UGT1A10: variants seen among roughly 807,000 people sequenced by gnomAD.
The protein encoded by UGT1A10 is UDP glucuronosyltransferase family 1 member A10, also known as UDP-glucuronosyltransferase 1A10.
Under a neutral mutation model 45.8 loss-of-function variants are expected in UGT1A10, and 49 were observed. The observed-to-expected ratio is 1.07, with a 90% CI of 0.85 to 1.36. The LOEUF (loss-of-function observed/expected upper bound fraction) is 1.36. UGT1A10 is among the 40% of genes most tolerant of loss of function. UGT1A10 has a pLI of 0.00. For missense variants in UGT1A10, 745 were observed against 668.6 expected (o/e 1.11, Z -1.26); for synonymous variants, 284 against 249.7 (o/e 1.14, Z -1.29).
intron 1 of UGT1A10, chr2:233,692,753 T>G: frequency 8.8e-7 from 1 of 1,135,016 alleles, no homozygotes. Context: ...AGCAGACTTG[T>G]GGAGCTGAAG....
chr2:233,649,256 A>G (rs1164357974), intron 1 of UGT1A10, among the ~76,000 whole-genome samples: 6 of 152,180 alleles, frequency 3.9e-5, no homozygotes, highest in Non-Finnish European at 8.8e-5. Flanking sequence ...TTTCCACTGC[A>G]TTTTTAAAAT....
At position 233,716,059 on chromosome 2, in the gene UGT1A10, T is replaced by C. The variant is rs28898603; in HGVS notation, c.856-50975T>C. ...GCATTCTGATTCTGTCCATTCTTAG[T>C]TGTATTCTTTCCACTGAGTGTAAGC... On this transcript the variant is annotated intron_variant, in intron 1 of 4. Coordinates refer to ENST00000344644, the MANE Select transcript of UGT1A10 (RefSeq NM_019075.4). Among the ~76,000 whole-genome samples, 29 of 152,358 alleles carry C rather than the reference T, an allele frequency of 1.9e-4. No homozygotes were observed. In the East Asian group the frequency reaches 5.6e-3, roughly 29 times the overall value.
intron 1 of UGT1A10, among the ~76,000 whole-genome samples, chr2:233,705,497 C>T (rs746321750): frequency 9.9e-5 from 15 of 151,954 alleles, no homozygotes; most frequent in Non-Finnish European, 2.1e-4. Flanking sequence ...TAATAAATAC[C>T]TTTTTAAGAA....
intron 1 of UGT1A10, chr2:233,743,649 C>G (rs754713764): frequency 8.0e-6 from 11 of 1,367,286 alleles, no homozygotes; most frequent in Non-Finnish European, 1.1e-5. Context: ...AAGCTGAAGA[C>G]GTACTCGAAG....
At chr2:233,711,952 C>A (rs2076206674) in intron 1 of UGT1A10, among the ~76,000 whole-genome samples, 1 of 152,208 alleles carries the variant, frequency 6.6e-6, no homozygotes, top group Non-Finnish European at 1.5e-5. Context: ...ACGTTTAATT[C>A]TCCATTTTGA....
chr2:233,682,671 A>G, intron 1 of UGT1A10: 1 of 1,613,852 alleles, frequency 6.2e-7, no homozygotes, highest in Non-Finnish European at 8.5e-7. Flanking sequence ...TATGATCTCT[A>G]CAGCCACACA....
In UGT1A10 at chr2:233,760,233, CAT is replaced by C. The variant is rs3064744; in HGVS notation, c.856-6787_856-6786del. ...ACTTGGTGTATCGATTGGTTTTTGCCATATATATATATATAAGTAGGAGAGGG... is the reference window on the plus strand; with the variant it reads ...ACTTGGTGTATCGATTGGTTTTTGCCATATATATATATAAGTAGGAGAGGG... On this transcript the variant is annotated intron_variant, in intron 1 of 4. Coordinates refer to ENST00000344644, the MANE Select transcript of UGT1A10 (RefSeq NM_019075.4). 6.6e-3 allele frequency: 9,509 copies of C among 1,449,924 alleles called. 210 individuals carry two copies. The African/African-American group carries it at 0.077, about 12-fold the overall frequency. The allele number at this position is 1,449,924 out of a possible 1,614,324, so 89.8% of individuals were successfully genotyped here.
chr2:233,669,266 T>C (rs2125498093), intron 1 of UGT1A10, among the ~76,000 whole-genome samples: 1 of 150,510 alleles, frequency 6.6e-6, no homozygotes, highest in South Asian at 2.1e-4. Context: ...TTTTTTTTTC[T>C]ATTTTTTAAA....
chr2:233,637,233 C>T lies in UGT1A10; in HGVS notation c.711C>T (p.Thr237=), dbSNP rs766013519. 5 of 1,613,782 alleles carry T rather than the reference C, an allele frequency of 3.1e-6. No individual in the cohort carries two copies. Among genetic ancestry groups the T allele is most frequent in the Non-Finnish European group, 4.2e-6 (5 of 1,179,846 alleles). The change falls in exon 1 of 5, where the codon ACC becomes ACT. Residue 237 remains threonine, a synonymous_variant. Transcript: ENST00000344644. The stretch of plus-strand genomic sequence containing the variant: ...AAATAGCCTCTGAAATTCTCCAAAC[C>T]CCTGTCACGGCATATGATCTCTACA... The part of the protein sequence containing the change: ...ALEIASEILQ[T]PVTAYDLYSH...
At chr2:233,661,138 C>T (rs1417256004) in intron 1 of UGT1A10, among the ~76,000 whole-genome samples, 1 of 151,458 alleles carries the variant, frequency 6.6e-6, no homozygotes, top group Non-Finnish European at 1.5e-5. Flanking sequence ...GACAAATTAT[C>T]TATGGATGTA....
In UGT1A10 at chr2:233,654,843, G is replaced by C. The variant is rs28969696; in HGVS notation, c.855+17466G>C. Among the ~76,000 whole-genome samples the C allele has an allele frequency of 8.3e-3, 1,259 of 152,328 alleles. 22 individuals are homozygous for C. The highest frequency in any genetic ancestry group is 0.028 in the African/African-American group (1,174 of 41,560). ...ACAGTGGCTCACGCCTGTAATCCCT[G>C]CACTTAGGGAAACTGAGGTGGGCGG... On this transcript the variant is annotated intron_variant, in intron 1 of 4. Transcript: ENST00000344644.
At chr2:233,760,433 A>G (rs771774728) in intron 1 of UGT1A10, 1 of 1,614,234 alleles carries the variant, frequency 6.2e-7, no homozygotes, top group Non-Finnish European at 8.5e-7. Context: ...GCCATCCAGC[A>G]GCTGCAGCAG....
intron 1 of UGT1A10, chr2:233,672,018 A>G: frequency 1.9e-6 from 3 of 1,614,130 alleles, no homozygotes; most frequent in Non-Finnish European, 2.5e-6. Flanking sequence ...CAGGGAAGCT[A>G]CTGGTAGTGC....
intron 1 of UGT1A10, chr2:233,729,228 G>A (rs752170717): frequency 1.9e-6 from 3 of 1,614,046 alleles, no homozygotes; most frequent in South Asian, 1.1e-5. Context: ...TGTTGGTGGT[G>A]CCCATTGATG....
chr2:233,702,396 T>TTATC (rs1241855388), intron 1 of UGT1A10, among the ~76,000 whole-genome samples: 1 of 152,220 alleles, frequency 6.6e-6, no homozygotes, highest in Non-Finnish European at 1.5e-5. Flanking sequence ...CCAGATCATG[T>TTATC]TATCTACAAA....
chr2:233,750,062 A>G (rs140494674), intron 1 of UGT1A10, among the ~76,000 whole-genome samples: 5,134 of 151,936 alleles, frequency 0.034, 160 homozygotes, highest in African/African-American at 0.052. Flanking sequence ...TGACTTTGGA[A>G]CTGGGTAACA....
chr2:233,745,257 G>A (rs1693056252), intron 1 of UGT1A10, among the ~76,000 whole-genome samples: 1 of 151,828 alleles, frequency 6.6e-6, no homozygotes, highest in African/African-American at 2.4e-5. Context: ...AAACCATTAA[G>A]ACTTGCAGGC....
chr2:233,724,904 G>C (rs1208234337), intron 1 of UGT1A10, among the ~76,000 whole-genome samples: 2 of 139,120 alleles, frequency 1.4e-5, no homozygotes. Context: ...TCCAGCCTGG[G>C]CACCATTGAG....
chr2:233,652,789 C>T (rs539212123), intron 1 of UGT1A10, among the ~76,000 whole-genome samples: 4 of 152,214 alleles, frequency 2.6e-5, no homozygotes, highest in African/African-American at 9.6e-5. Flanking sequence ...TGAAGATGCA[C>T]CCTTATATGC....
Sources: allele counts gnomAD v4.1 joint callset (sites outside exome capture counted in the v4.1 genomes callset), GRCh38; gene constraint gnomAD v4.1.1; transcripts MANE v1.5; gene names NCBI Gene and HGNC (gene_info 2026-07-23, HGNC 2026-07-21).